Variants in TNS3 observed in about 807,000 individuals in gnomAD.
TNS3 encodes tensin 3.
A neutral mutation model predicts 140.9 loss-of-function variants in TNS3; 45 were observed. That is an observed-to-expected ratio of 0.32 (90% CI 0.25 to 0.41). TNS3 has a LOEUF of 0.41. TNS3 is among the 10% of genes least tolerant of loss of function. The pLI is 1.00. For missense variants in TNS3, 1,716 were observed against 1,906.7 expected, an observed-to-expected ratio of 0.90 and a Z score of 1.86; for synonymous variants, 815 against 788.4, an observed-to-expected ratio of 1.03 and a Z score of -0.56.
In TNS3 at chr7:47,407,938, T is replaced by G. The variant is rs1490360237; in HGVS notation, c.723+3789A>C. ...TGAGACCAAAGGGTGAAGCCTGAGT[T>G]GAGAGGTCAGGGCCAGGGTGGGTGG... On this transcript the variant is annotated intron_variant, in intron 13 of 30. Transcript: ENST00000311160. The surrounding 1 kb of genome is among the most constrained non-coding windows in gnomAD (Gnocchi z 4.1). 6.6e-6 allele frequency among the ~76,000 whole-genome samples: 1 copy of G among 152,040 alleles called. No individual in the cohort carries two copies. Among genetic ancestry groups the G allele is most frequent in the Non-Finnish European group, 1.5e-5 (1 of 68,000 alleles).
intron 20 of TNS3, among the ~76,000 whole-genome samples, chr7:47,339,217 T>C (rs1383209347): frequency 6.6e-6 from 1 of 152,248 alleles, no homozygotes; most frequent in Non-Finnish European, 1.5e-5. Flanking sequence ...TTATAAAGTC[T>C]AATTTGTCAA....
chr7:47,469,229 T>G (rs1332226070), intron 4 of TNS3, among the ~76,000 whole-genome samples: 1 of 152,078 alleles, frequency 6.6e-6, no homozygotes, highest in East Asian at 1.9e-4. Flanking sequence ...AAAACAAAAA[T>G]TGACAAGTGG....
rs1354544006 is a variant in TNS3 at position 47,524,808 on chromosome 7, C to CAAAAAAAAAAAAA, written c.-153+4227_-153+4228insTTTTTTTTTTTTT. Among the ~76,000 whole-genome samples the CAAAAAAAAAAAAA allele has an allele frequency of 4.8e-4, 12 of 25,258 alleles. 6 individuals are homozygous for CAAAAAAAAAAAAA. The highest frequency in any genetic ancestry group is 7.8e-4 in the Non-Finnish European group (8 of 10,322). 16.6% of individuals were successfully genotyped at this position (25,258 alleles called of 152,430 possible). On this transcript the variant is annotated intron_variant, in intron 2 of 30. Coordinates refer to ENST00000311160, the MANE Select transcript of TNS3 (RefSeq NM_022748.12). The stretch of plus-strand genomic sequence containing the variant: ...TGGGCGACAGAGCGAGACTCCGTCT[C>CAAAAAAAAAAAAA]AAGAAAAAAAAAAAAAAAAAAAAAA...
At position 47,411,690 on chromosome 7, in the gene TNS3, G is replaced by T. The variant is rs756438406; in HGVS notation, c.723+37C>A. 7.0e-6 allele frequency: 11 copies of T among 1,581,116 alleles called. No homozygotes were observed. The African/African-American group carries it at 1.4e-4, about 19-fold the overall frequency. ...CAAGTCATCACCACTGGGAGAGTGG[G>T]GACACCAACCCATCTGCGGCCACAG... On this transcript the variant is annotated intron_variant, in intron 13 of 30. Coordinates refer to ENST00000311160, the MANE Select transcript of TNS3 (RefSeq NM_022748.12).
chr7:47,454,890 G>A (rs1046162892), intron 4 of TNS3, among the ~76,000 whole-genome samples: 2 of 152,138 alleles, frequency 1.3e-5, no homozygotes, highest in African/African-American at 4.8e-5. Flanking sequence ...AGTCATCTCC[G>A]GAGTCTGAAA....
At chr7:47,571,606 T>C (rs1562863094) in intron 1 of TNS3, among the ~76,000 whole-genome samples, 1 of 152,178 alleles carries the variant, frequency 6.6e-6, no homozygotes, top group African/African-American at 2.4e-5. Flanking sequence ...CTCCAGACAA[T>C]AGCGATCACA....
Position 47,358,606 on chromosome 7 carries a change from G to A in TNS3, c.2281+9759C>T, listed in dbSNP as rs374976014. 4.6e-5 allele frequency among the ~76,000 whole-genome samples: 7 copies of A among 152,350 alleles called. No individual in the cohort carries two copies. In the South Asian group the frequency reaches 1.5e-3, roughly 32 times the overall value. ...ACGCAGCCGGTGACTTCTGGCAGAA[G>A]CCGTGGGAGCCGGCAGTGCTCTCGG... On this transcript the variant is annotated intron_variant, in intron 17 of 30. Transcript: ENST00000311160.
chr7:47,561,089 C>T (rs985189284), intron 1 of TNS3, among the ~76,000 whole-genome samples: 3 of 152,206 alleles, frequency 2.0e-5, no homozygotes, highest in Non-Finnish European at 2.9e-5. Context: ...CGTGGTGCGA[C>T]GCTGGTTGGG....
Position 47,414,008 on chromosome 7 carries a change from G to A in TNS3, c.587-11C>T. Reference sequence around the variant, plus strand: ...GAAAGGGCCGGCACACTGAAAGAAAGGCACAACTGTCTGTAGAGGCATGAC... The same window carrying A: ...GAAAGGGCCGGCACACTGAAAGAAAAGCACAACTGTCTGTAGAGGCATGAC... On this transcript the variant is annotated splice_polypyrimidine_tract_variant and intron_variant, in intron 11 of 30. Coordinates refer to ENST00000311160, the MANE Select transcript of TNS3 (RefSeq NM_022748.12). 1 of 1,613,802 alleles carries A rather than the reference G, an allele frequency of 6.2e-7. No homozygotes were observed. The highest frequency in any genetic ancestry group is 1.1e-5 in the South Asian group (1 of 91,050).
chr7:47,547,786 C>T (rs1001469602), intron 1 of TNS3, among the ~76,000 whole-genome samples: 1 of 152,224 alleles, frequency 6.6e-6, no homozygotes, highest in African/African-American at 2.4e-5. Context: ...CAACAAACCT[C>T]AGCCCAGAAG....
At chr7:47,509,810 G>A (rs116316070) in intron 2 of TNS3, among the ~76,000 whole-genome samples, 2 of 152,022 alleles carry the variant, frequency 1.3e-5, no homozygotes, top group Admixed American at 6.6e-5. Flanking sequence ...CCGTTCCTGA[G>A]TTGACACCCT....
chr7:47,582,405 C>T (rs1259892906), upstream of TNS3: 2 of 456,282 alleles, frequency 4.4e-6, no homozygotes, highest in Admixed American at 2.4e-5. Context: ...TTGCAGGTTC[C>T]GCCGGGCCGG....
chr7:47,551,542 G>A (rs536660094), intron 1 of TNS3, among the ~76,000 whole-genome samples: 1 of 152,332 alleles, frequency 6.6e-6, no homozygotes, highest in East Asian at 1.9e-4. Context: ...CAAAACTACA[G>A]GCAAGGAGAC....
chr7:47,582,478 A>T (rs1284849253), upstream of TNS3: 1 of 456,516 alleles, frequency 2.2e-6, no homozygotes, highest in East Asian at 7.0e-5. Context: ...TCATTCTTTC[A>T]TTCAGCGCCT....
intron 20 of TNS3, among the ~76,000 whole-genome samples, chr7:47,339,459 G>A (rs991776858): frequency 2.0e-5 from 3 of 152,030 alleles, no homozygotes; most frequent in Non-Finnish European, 4.4e-5. Flanking sequence ...GACCTTCCCC[G>A]ACTTGCTTCT....
chr7:47,385,209 GA>G (rs778988699), intron 16 of TNS3, among the ~76,000 whole-genome samples: 4 of 152,152 alleles, frequency 2.6e-5, no homozygotes, highest in Admixed American at 1.3e-4. Flanking sequence ...GTCCCTGCCT[GA>G]ACTGAGCTCA....
chr7:47,513,686 T>A (rs1031061260), intron 2 of TNS3, among the ~76,000 whole-genome samples: 4 of 152,130 alleles, frequency 2.6e-5, no homozygotes, highest in Non-Finnish European at 4.4e-5. Flanking sequence ...AGTGAGAGGG[T>A]CAGTGACATT....
intron 20 of TNS3, among the ~76,000 whole-genome samples, chr7:47,313,776 A>G (rs1787241070): frequency 6.6e-6 from 1 of 152,208 alleles, no homozygotes; most frequent in South Asian, 2.1e-4. Flanking sequence ...AGGCTGAAGG[A>G]AAATAAAATC....
chr7:47,328,677 G>A (rs1178604855), intron 20 of TNS3, among the ~76,000 whole-genome samples: 3 of 152,220 alleles, frequency 2.0e-5, no homozygotes, highest in South Asian at 2.1e-4. Flanking sequence ...TCTGGATGGG[G>A]CCATCTGCCT....
Sources: gnomAD v4.1 joint callset for allele counts (sites outside exome capture counted in the v4.1 genomes callset) on GRCh38, gnomAD v4.1.1 for gene constraint, Gnocchi (gnomAD v3.1) non-coding constraint, MANE v1.5 for transcripts, NCBI Gene and HGNC (gene_info 2026-07-23, HGNC 2026-07-21) for gene names.